SUMF1: variants seen among roughly 807,000 people sequenced by gnomAD.
SUMF1 encodes sulfatase modifying factor 1.
Under a neutral mutation model 47.6 loss-of-function variants are expected in SUMF1, and 48 were observed. The ratio of observed to expected loss-of-function variants is 1.01; its 90% CI spans 0.80 to 1.28. The LOEUF is 1.28. Ranked by LOEUF, SUMF1 falls within the 50% of genes most tolerant of loss-of-function variation. The pLI, the probability that SUMF1 is intolerant of heterozygous loss-of-function variation, is 0.00. For missense variants in SUMF1, 571 were observed against 485.4 expected (o/e 1.18, Z -1.66); for synonymous variants, 230 against 192.1 (o/e 1.20, Z -1.63).
chr3:4,046,526 G>A (rs1180659508), intron 9 of SUMF1, among the ~76,000 whole-genome samples: 3 of 151,572 alleles, frequency 2.0e-5, no homozygotes, highest in South Asian at 2.1e-4. Context: ...AGCCTTCTTC[G>A]TCTCAATAAA....
At chr3:4,446,610 G>A (rs1199680518) in intron 3 of SUMF1, among the ~76,000 whole-genome samples, 1 of 152,158 alleles carries the variant, frequency 6.6e-6, no homozygotes, top group Non-Finnish European at 1.5e-5. Context: ...CAGACATCAG[G>A]TGCCTCATGG....
At chr3:4,456,890 A>T (rs2079650011) in intron 1 of SUMF1, among the ~76,000 whole-genome samples, 1 of 145,598 alleles carries the variant, frequency 6.9e-6, no homozygotes. Context: ...GTGTGTGTAT[A>T]TATATGTGTG....
intron 8 of SUMF1, among the ~76,000 whole-genome samples, chr3:4,289,060 A>G (rs1289736126): frequency 6.6e-6 from 1 of 152,222 alleles, no homozygotes; most frequent in African/African-American, 2.4e-5. Flanking sequence ...CCTGGTGGGC[A>G]GTAATGCCAT....
At chr3:4,186,741 A>G (rs975046099) in intron 8 of SUMF1, among the ~76,000 whole-genome samples, 3 of 152,138 alleles carry the variant, frequency 2.0e-5, no homozygotes, top group Non-Finnish European at 2.9e-5. Context: ...CACTATTTAA[A>G]TATTGACGAA....
intron 8 of SUMF1, 24 bp downstream of exon 8, chr3:4,376,306 A>G (rs1700326238): frequency 1.2e-6 from 2 of 1,614,046 alleles, no homozygotes; most frequent in Non-Finnish European, 8.5e-7. Flanking sequence ...AAGAACGGCA[A>G]AACAGTTTAG....
intron 8 of SUMF1, among the ~76,000 whole-genome samples, chr3:4,131,736 A>C (rs1015173235): frequency 6.6e-6 from 1 of 152,164 alleles, no homozygotes; most frequent in Non-Finnish European, 1.5e-5. Flanking sequence ...TCAAAAACTA[A>C]AGGTATTCGT....
At chr3:4,035,601 G>C (rs550847548) in intron 9 of SUMF1, among the ~76,000 whole-genome samples, 37 of 152,238 alleles carry the variant, frequency 2.4e-4, no homozygotes, top group African/African-American at 8.2e-4. Context: ...ATTTTAGAGA[G>C]GCCACAACTC....
At chr3:4,149,653 A>G (rs1355236841) in intron 8 of SUMF1, among the ~76,000 whole-genome samples, 3 of 152,174 alleles carry the variant, frequency 2.0e-5, no homozygotes, top group Admixed American at 2.0e-4. Flanking sequence ...ACAGGAAGCA[A>G]CCATCCCCAC....
intron 8 of SUMF1, among the ~76,000 whole-genome samples, chr3:4,297,040 C>G (rs1697867001): frequency 6.6e-6 from 1 of 152,116 alleles, no homozygotes; most frequent in Non-Finnish European, 1.5e-5. Flanking sequence ...CCAAATAAAC[C>G]TACCTCTCAG....
In SUMF1 at chr3:4,362,132, T is replaced by C. The variant is rs1313287028; in HGVS notation, c.*12A>G. On this transcript the variant is annotated 3_prime_UTR_variant, in exon 9 of 9. Coordinates refer to ENST00000272902, the MANE Select transcript of SUMF1 (RefSeq NM_182760.4). ...GACTGCTCCTTGGACTGGGGAAGACTTTCCTTGGTTGTCAGTCCATAGTGG... is the reference window on the plus strand; with the variant it reads ...GACTGCTCCTTGGACTGGGGAAGACCTTCCTTGGTTGTCAGTCCATAGTGG... 3 of 1,613,220 alleles carry C rather than the reference T, an allele frequency of 1.9e-6. No homozygotes were observed. Among genetic ancestry groups the C allele is most frequent in the Admixed American group, 1.7e-5 (1 of 60,024 alleles).
rs548090474 is a variant in SUMF1, at chr3:4,076,273, G to A, written c.1015-7528C>T. On this transcript the variant is annotated intron_variant and NMD_transcript_variant, in intron 8 of 12. Transcript: ENST00000448413. ...CCTATTTAATAAATGGTGCTGGTGG[G>A]AAAACTGGCTAGGCATATGTAGAAA... Among the ~76,000 whole-genome samples, 9 of 152,262 alleles carry A rather than the reference G, an allele frequency of 5.9e-5. No homozygotes were observed. In the South Asian group the frequency reaches 1.9e-3, roughly 32 times the overall value.
chr3:4,224,767 G>A (rs1435384575), intron 8 of SUMF1, among the ~76,000 whole-genome samples: 2 of 152,078 alleles, frequency 1.3e-5, no homozygotes, highest in African/African-American at 4.8e-5. Context: ...CATTAGGAGA[G>A]TTAAGATGTA....
intron 8 of SUMF1, chr3:4,303,662 A>G: frequency 6.8e-7 from 1 of 1,461,580 alleles, no homozygotes; most frequent in Non-Finnish European, 9.0e-7. Context: ...GTGCGCGGGA[A>G]TAGGTGTGCA....
At chr3:4,187,940 T>A (rs1401202200) in intron 8 of SUMF1, among the ~76,000 whole-genome samples, 1 of 152,178 alleles carries the variant, frequency 6.6e-6, no homozygotes, top group Non-Finnish European at 1.5e-5. Flanking sequence ...CGTAATGACA[T>A]TGATTTTGAC....
At chr3:4,099,894 A>C (rs1006972940) in intron 8 of SUMF1, among the ~76,000 whole-genome samples, 9 of 151,928 alleles carry the variant, frequency 5.9e-5, no homozygotes, top group African/African-American at 2.2e-4. Flanking sequence ...AATTAAACTA[A>C]GGAAAAAAAA....
chr3:4,095,619 A>G lies in SUMF1; in HGVS notation c.1015-26874T>C, dbSNP rs1005737963. 2.6e-5 allele frequency among the ~76,000 whole-genome samples: 4 copies of G among 152,128 alleles called. No homozygotes were observed. In the South Asian group the frequency reaches 8.3e-4, roughly 31 times the overall value. On this transcript the variant is annotated intron_variant and NMD_transcript_variant, in intron 8 of 12. Coordinates refer to the SUMF1 transcript ENST00000448413. Reference sequence around the variant, plus strand: ...AGATATGACCAGCAGCATGTCTACTACAAGATGCTGTTACACCAACTACCA... The same window carrying G: ...AGATATGACCAGCAGCATGTCTACTGCAAGATGCTGTTACACCAACTACCA...
intron 8 of SUMF1, among the ~76,000 whole-genome samples, chr3:4,120,571 C>A (rs1473901170): frequency 6.6e-6 from 1 of 152,092 alleles, no homozygotes; most frequent in Non-Finnish European, 1.5e-5. Context: ...GTCACAATTA[C>A]ACCTATGGGA....
chr3:4,366,230 G>A (rs1699952062), intron 8 of SUMF1, among the ~76,000 whole-genome samples: 1 of 151,996 alleles, frequency 6.6e-6, no homozygotes, highest in Non-Finnish European at 1.5e-5. Flanking sequence ...TCTTTGTGGT[G>A]TTCTCTGTAT....
At chr3:4,303,405 G>A in intron 8 of SUMF1, 1 of 1,559,348 alleles carries the variant, frequency 6.4e-7, no homozygotes, top group Non-Finnish European at 8.6e-7. Flanking sequence ...ACACGGCCTT[G>A]TGGGATGGCG....
Sources: allele counts gnomAD v4.1 joint callset (sites outside exome capture counted in the v4.1 genomes callset), GRCh38; gene constraint gnomAD v4.1.1; transcripts MANE v1.5; gene names NCBI Gene and HGNC (gene_info 2026-07-23, HGNC 2026-07-21).